ST18: variants seen among roughly 807,000 people sequenced by gnomAD.
The protein encoded by ST18 is ST18 C2H2C-type zinc finger transcription factor, also known as suppression of tumorigenicity 18 protein.
A neutral mutation model predicts 110.0 loss-of-function variants in ST18; 50 were observed. The ratio of observed to expected loss-of-function variants is 0.45; its 90% confidence interval spans 0.36 to 0.58. The LOEUF is 0.58. ST18 is among the 20% of genes least tolerant of loss of function. ST18 has a pLI of 0.00. For synonymous variants in ST18, 461 were observed against 452.4 expected, an observed-to-expected ratio of 1.02 and a Z score of -0.24; for missense variants, 1,306 against 1,280.1, an observed-to-expected ratio of 1.02 and a Z score of -0.31.
intron 2 of ST18, among the ~76,000 whole-genome samples, chr8:52,316,254 T>A (rs1360004653): frequency 6.6e-6 from 1 of 152,132 alleles, no homozygotes; most frequent in Non-Finnish European, 1.5e-5. Flanking sequence ...TAAGCAAATA[T>A]TTCTTGAGAG....
chr8:52,307,010 A>C (rs2095824323), intron 2 of ST18, among the ~76,000 whole-genome samples: 1 of 152,182 alleles, frequency 6.6e-6, no homozygotes, highest in Non-Finnish European at 1.5e-5. Context: ...TTTCAAACTG[A>C]GGTTTTGTCT....
intron 17 of ST18, among the ~76,000 whole-genome samples, chr8:52,139,435 A>G (rs901384884): frequency 2.0e-5 from 3 of 152,046 alleles, no homozygotes; most frequent in African/African-American, 4.8e-5. Context: ...GGCTCACTGC[A>G]AACTTCGCCT....
chr8:52,221,220 T>C (rs2086612400), intron 4 of ST18, among the ~76,000 whole-genome samples: 1 of 152,132 alleles, frequency 6.6e-6, no homozygotes, highest in South Asian at 2.1e-4. Context: ...ATTTTTACTT[T>C]TAACCACCAA....
chr8:52,254,889 C>T (rs1017886844), intron 2 of ST18, among the ~76,000 whole-genome samples: 6 of 152,150 alleles, frequency 3.9e-5, no homozygotes, highest in Non-Finnish European at 7.3e-5. Flanking sequence ...GGTGTAATTC[C>T]TCCCTGTAGG....
At chr8:52,117,904 C>G (rs76273592) in intron 24 of ST18, among the ~76,000 whole-genome samples, 436 of 152,186 alleles carry the variant, frequency 2.9e-3, no homozygotes, top group African/African-American at 0.01. Context: ...AGAATTTGCT[C>G]AAGAAAATAT....
chr8:52,409,807 A>C (rs1419546175), upstream of ST18: 2 of 152,252 alleles, frequency 1.3e-5, no homozygotes, highest in Non-Finnish European at 2.9e-5. Flanking sequence ...TTATTTACCA[A>C]CCGCACAAAG....
intron 10 of ST18, among the ~76,000 whole-genome samples, chr8:52,171,351 T>A (rs1286905882): frequency 6.6e-6 from 1 of 152,202 alleles, no homozygotes; most frequent in African/African-American, 2.4e-5. Flanking sequence ...CATAAACGCA[T>A]TAACATCTAG....
chr8:52,163,323 T>C (rs1409020361), intron 13 of ST18, among the ~76,000 whole-genome samples: 2 of 152,224 alleles, frequency 1.3e-5, no homozygotes, highest in Non-Finnish European at 2.9e-5. Flanking sequence ...ACAATAGTTA[T>C]CTGATCATCT....
At position 52,268,338 on chromosome 8, in the gene ST18, C is replaced by T. The variant is rs117304143; in HGVS notation, c.-464-38261G>A. ...AACGGGTTTTAAAAGCTCGAGCATA[C>T]CAAGGACACACATGAAGGAAGAGCT... On this transcript the variant is annotated intron_variant, in intron 2 of 25. Transcript: ENST00000689386. 1.1e-4 allele frequency among the ~76,000 whole-genome samples: 17 copies of T among 152,220 alleles called. No homozygotes were observed. The East Asian group carries it at 2.7e-3, about 24-fold the overall frequency.
Position 52,286,727 on chromosome 8 carries a change from T to C in ST18, c.-464-56650A>G, listed in dbSNP as rs557504905. ...TGTCTGACTCAACAATTCATGCTCA[T>C]TGCACCAAGCCATACTTCTTCAAAG... On this transcript the variant is annotated intron_variant, in intron 2 of 25. Coordinates refer to ENST00000689386, the MANE Select transcript of ST18 (RefSeq NM_001352837.2). 2.6e-5 allele frequency among the ~76,000 whole-genome samples: 4 copies of C among 151,418 alleles called. No homozygotes were observed. The East Asian group carries it at 7.7e-4, about 29-fold the overall frequency.
At chr8:52,167,831 C>T (rs936949467) in intron 10 of ST18, among the ~76,000 whole-genome samples, 1 of 152,122 alleles carries the variant, frequency 6.6e-6, no homozygotes, top group Non-Finnish European at 1.5e-5. Context: ...TAAGGGGCAC[C>T]TGCTCATGCA....
intron 8 of ST18, chr8:52,206,842 T>A (rs2080256838): frequency 6.6e-6 from 1 of 152,224 alleles, no homozygotes; most frequent in Non-Finnish European, 1.5e-5. Flanking sequence ...TTGGAAATGA[T>A]AACAACAAAA....
chr8:52,146,596 G>A (rs1422210802), intron 16 of ST18, among the ~76,000 whole-genome samples: 3 of 151,968 alleles, frequency 2.0e-5, no homozygotes, highest in African/African-American at 7.3e-5. Flanking sequence ...TGCTTTTCAA[G>A]ATTGTTGGGA....
intron 2 of ST18, among the ~76,000 whole-genome samples, chr8:52,350,122 T>C (rs1819619337): frequency 6.6e-6 from 1 of 152,044 alleles, no homozygotes; most frequent in Non-Finnish European, 1.5e-5. Flanking sequence ...CCAGGGACAA[T>C]AGCCATCCAG....
At chr8:52,150,632 C>A (rs966665829) in intron 15 of ST18, among the ~76,000 whole-genome samples, 6 of 152,010 alleles carry the variant, frequency 3.9e-5, no homozygotes, top group African/African-American at 1.4e-4. Flanking sequence ...GTGGTGGGGG[C>A]GGTGCTTTGG....
rs140331895 is a variant in ST18 at position 52,332,530 on chromosome 8, CTTTTTTTTTTTTTT to C, written c.-465+76784_-465+76797del. Among the ~76,000 whole-genome samples the C allele has an allele frequency of 1.2e-4, 6 of 49,802 alleles. 1 individual carries two copies. The East Asian group carries it at 3.2e-3, about 26-fold the overall frequency. The allele number at this position is 49,802 out of a possible 152,430, so 32.7% of individuals were successfully genotyped here. A position where few individuals can be genotyped will look rare whatever the true frequency, so the allele number is the denominator to read the frequency against. ...ACTTTCCCAAGAGCATCTAATGTAG[CTTTTTTTTTTTTTT>C]TTTTTTTTTTTTTTAACTAAAATGC... is the stretch of plus-strand genomic sequence containing the variant. On this transcript the variant is annotated intron_variant, in intron 2 of 25. Coordinates refer to ENST00000689386, the MANE Select transcript of ST18 (RefSeq NM_001352837.2).
chr8:52,126,589 C>T (rs2047158313), intron 22 of ST18, among the ~76,000 whole-genome samples: 1 of 152,188 alleles, frequency 6.6e-6, no homozygotes, highest in South Asian at 2.1e-4. Flanking sequence ...GTTCCTTGAC[C>T]TTTATAGAAT....
At chr8:52,272,390 A>G (rs746999405) in intron 2 of ST18, among the ~76,000 whole-genome samples, 3 of 152,220 alleles carry the variant, frequency 2.0e-5, no homozygotes, top group Non-Finnish European at 4.4e-5. Flanking sequence ...TAGCCTAAGA[A>G]CTTGAATAGA....
intron 2 of ST18, among the ~76,000 whole-genome samples, chr8:52,243,936 A>G (rs938607581): frequency 3.3e-5 from 5 of 152,126 alleles, no homozygotes; most frequent in Admixed American, 2.0e-4. Flanking sequence ...ATTATTTGAC[A>G]AAGTCAGGTA....
Sources: allele counts gnomAD v4.1 joint callset (sites outside exome capture counted in the v4.1 genomes callset), GRCh38; gene constraint gnomAD v4.1.1; transcripts MANE v1.5; gene names NCBI Gene and HGNC (gene_info 2026-07-23, HGNC 2026-07-21).